The following TCF20 variants were observed in gnomAD, a reference collection of about 807,000 sequenced individuals.
TCF20 encodes the protein SPRE-binding protein.
TCF20 carries 3 observed loss-of-function variants against 148.6 expected under a neutral mutation model. The ratio of observed to expected loss-of-function variants is 0.02; its 90% CI spans 0.01 to 0.05. TCF20 has a LOEUF of 0.05. Among genes scored for constraint, TCF20 ranks in the 10% least tolerant of loss-of-function variants. The pLI, the probability that TCF20 is intolerant of heterozygous loss-of-function variation, is 1.00. For missense variants in TCF20, 2,350 were observed against 2,429.3 expected (o/e 0.97, Z 0.69); for synonymous variants, 1,049 against 909.5 (o/e 1.15, Z -2.76).
rs566639591 is a variant in TCF20 at position 42,249,884 on chromosome 22, A to AT, written c.-37+20454dup. ...TGGAGAGTTCTAATTAATTCTATGC[A>AT]TTTTTTTTTTGCAAACTGAACTCCA... On this transcript the variant is annotated intron_variant, in intron 1 of 5. Transcript: ENST00000677622. Among the ~76,000 whole-genome samples the AT allele has an allele frequency of 1.4e-3, 209 of 149,180 alleles. 1 individual carries two copies. The highest frequency in any genetic ancestry group is 3.2e-3 in the South Asian group (15 of 4,706).
chr22:42,340,228 T>G (rs757849069), intron 1 of TCF20, among the ~76,000 whole-genome samples: 61 of 152,108 alleles, frequency 4.0e-4, no homozygotes, highest in Non-Finnish European at 6.5e-4. Flanking sequence ...TGTTCCCAGG[T>G]CTGTTTCCCC....
upstream of TCF20, among the ~76,000 whole-genome samples, chr22:42,270,807 T>C (rs1008670821): frequency 3.4e-5 from 5 of 146,068 alleles, no homozygotes; most frequent in African/African-American, 1.2e-4. Context: ...TGCGGCGGCG[T>C]CGAGGCTGGC....
At chr22:42,180,895 G>A (rs1183341056) in intron 2 of TCF20, among the ~76,000 whole-genome samples, 2 of 152,184 alleles carry the variant, frequency 1.3e-5, no homozygotes. Context: ...TAGGAACAAG[G>A]GCTGGAAGAG....
intron 1 of TCF20, among the ~76,000 whole-genome samples, chr22:42,239,722 G>C (rs1417719366): frequency 6.6e-6 from 1 of 152,186 alleles, no homozygotes; most frequent in Admixed American, 6.5e-5. Flanking sequence ...AGGAGGTGGA[G>C]GTTGTAGTGA....
intron 2 of TCF20, among the ~76,000 whole-genome samples, chr22:42,199,921 T>C (rs763987088): frequency 2.0e-5 from 3 of 150,852 alleles, no homozygotes; most frequent in African/African-American, 4.9e-5. Context: ...ATAATTATGA[T>C]GATAGCTTAA....
chr22:42,185,668 G>C (rs1937009929), intron 2 of TCF20, among the ~76,000 whole-genome samples: 2 of 152,202 alleles, frequency 1.3e-5, no homozygotes, highest in African/African-American at 4.8e-5. Flanking sequence ...TTTCTTTGAT[G>C]CAACTCTGCA....
At chr22:42,203,717 A>C (rs997571539) in intron 2 of TCF20, among the ~76,000 whole-genome samples, 4 of 152,246 alleles carry the variant, frequency 2.6e-5, no homozygotes, top group Non-Finnish European at 5.9e-5. Context: ...GGGTCCCAGC[A>C]GAAGTAACAA....
chr22:42,312,839 T>C (rs138028670), intron 1 of TCF20, among the ~76,000 whole-genome samples: 2 of 152,230 alleles, frequency 1.3e-5, no homozygotes, highest in African/African-American at 4.8e-5. Context: ...GGTGAAAGCA[T>C]GGGGCCCCAA....
chr22:42,174,923 T>TAC (rs1936354751), intron 3 of TCF20, among the ~76,000 whole-genome samples: 2 of 151,758 alleles, frequency 1.3e-5, no homozygotes, highest in Non-Finnish European at 2.9e-5. Context: ...TAGTCCCAGC[T>TAC]GCTGGGGCGG....
chr22:42,192,712 TA>T (rs767817630), intron 2 of TCF20, among the ~76,000 whole-genome samples: 9 of 152,204 alleles, frequency 5.9e-5, no homozygotes, highest in Non-Finnish European at 8.8e-5. Flanking sequence ...TGGGGTCATT[TA>T]ATTTGGCAAC....
chr22:42,174,221 TA>T (rs914565232), intron 3 of TCF20, among the ~76,000 whole-genome samples: 27 of 148,792 alleles, frequency 1.8e-4, no homozygotes, highest in South Asian at 6.3e-4. Context: ...AAGTTTACAT[TA>T]AAAAAAAAAA....
chr22:42,225,515 G>A (rs1922800834), intron 1 of TCF20, among the ~76,000 whole-genome samples: 1 of 150,688 alleles, frequency 6.6e-6, no homozygotes, highest in African/African-American at 2.4e-5. Flanking sequence ...TCGGGAGGCT[G>A]AGGCAGGAGA....
intron 1 of TCF20, among the ~76,000 whole-genome samples, chr22:42,220,189 AAG>A (rs111796819): frequency 0.039 from 5,906 of 152,112 alleles, 373 homozygotes; most frequent in African/African-American, 0.13. Flanking sequence ...CTTTTTTGGA[AAG>A]AGAGTCTCAC....
chr22:42,324,082 G>A (rs1601706971), intron 1 of TCF20, among the ~76,000 whole-genome samples: 1 of 145,826 alleles, frequency 6.9e-6, no homozygotes, highest in East Asian at 2.0e-4. Flanking sequence ...GGTGGTGGTG[G>A]TGGTGGTGAT....
chr22:42,291,431 C>G (rs2147025938), intron 1 of TCF20, among the ~76,000 whole-genome samples: 1 of 152,254 alleles, frequency 6.6e-6, no homozygotes, highest in East Asian at 1.9e-4. Context: ...CCAGGGTAGA[C>G]AGATGTGTGT....
At chr22:42,294,595 A>C (rs565754356) in intron 1 of TCF20, among the ~76,000 whole-genome samples, 1 of 152,270 alleles carries the variant, frequency 6.6e-6, no homozygotes, top group South Asian at 2.1e-4. Flanking sequence ...CCCAGCGGTC[A>C]CAAGGATTTA....
chr22:42,262,344 T>C (rs551304702), intron 1 of TCF20, among the ~76,000 whole-genome samples: 11 of 152,130 alleles, frequency 7.2e-5, no homozygotes, highest in Non-Finnish European at 1.0e-4. Flanking sequence ...GCACTGACAG[T>C]AACTTGATGA....
At chr22:42,220,353 T>C (rs1178914420) in intron 1 of TCF20, among the ~76,000 whole-genome samples, 1 of 152,146 alleles carries the variant, frequency 6.6e-6, no homozygotes, top group East Asian at 1.9e-4. Flanking sequence ...ATTGGGACTA[T>C]GGCTAATTTT....
chr22:42,255,945 A>G (rs1222128731), intron 1 of TCF20, among the ~76,000 whole-genome samples: 1 of 152,074 alleles, frequency 6.6e-6, no homozygotes, highest in Admixed American at 6.6e-5. Context: ...TGTCATCTCT[A>G]GGCCCTTAGC....
Sources: allele counts gnomAD v4.1 joint callset (sites outside exome capture counted in the v4.1 genomes callset), GRCh38; gene constraint gnomAD v4.1.1; transcripts MANE v1.5; gene names NCBI Gene and HGNC (gene_info 2026-07-23, HGNC 2026-07-21).